BBS9: variants seen among roughly 807,000 people sequenced by gnomAD.
BBS9 encodes the protein Bardet-Biedl syndrome 9, also known as protein PTHB1.
BBS9 carries 89 observed loss-of-function variants against 117.7 expected under a neutral mutation model. The observed-to-expected ratio is 0.76, with a 90% confidence interval of 0.64 to 0.90. The LOEUF is 0.90. Among genes scored for constraint, BBS9 ranks in the 40% least tolerant of loss-of-function variants. The pLI, the probability that BBS9 is intolerant of heterozygous loss-of-function variation, is 0.00. For synonymous variants in BBS9, 379 were observed against 370.9 expected (o/e 1.02, Z -0.25); for missense variants, 982 against 1,042.2 (o/e 0.94, Z 0.80).
At chr7:33,450,768 T>A (rs1837689207) in intron 19 of BBS9, among the ~76,000 whole-genome samples, 1 of 152,242 alleles carries the variant, frequency 6.6e-6, no homozygotes, top group Non-Finnish European at 1.5e-5. Flanking sequence ...ATATTCTGGA[T>A]ATTAATTCTT....
intron 17 of BBS9, among the ~76,000 whole-genome samples, chr7:33,375,595 C>CTT (rs11344728): frequency 4.7e-5 from 6 of 127,476 alleles, no homozygotes; most frequent in South Asian, 5.3e-4. Flanking sequence ...TTCTTTCTTT[C>CTT]TTTTTTTTTT....
At chr7:33,386,530 G>A (rs977224993) in intron 18 of BBS9, among the ~76,000 whole-genome samples, 8 of 150,882 alleles carry the variant, frequency 5.3e-5, no homozygotes, top group Non-Finnish European at 7.4e-5. Flanking sequence ...TCGCTCTGTC[G>A]CCCAGGCTGG....
rs540922135 is a variant in BBS9, at chr7:33,550,311, G to A, written c.2521+16135G>A. 7.9e-5 allele frequency among the ~76,000 whole-genome samples: 12 copies of A among 152,148 alleles called. No individual in the cohort carries two copies. In the East Asian group the frequency reaches 2.3e-3, roughly 29 times the overall value. ...TGTATTTTCCTTTAGATTTTAGGGT[G>A]CCTAGATAAAGTATTTTAATTACTT... On this transcript the variant is annotated intron_variant, in intron 21 of 22. Coordinates refer to ENST00000242067, the MANE Select transcript of BBS9 (RefSeq NM_198428.3).
chr7:33,201,801 A>G (rs1347772038), intron 5 of BBS9, among the ~76,000 whole-genome samples: 1 of 152,104 alleles, frequency 6.6e-6, no homozygotes, highest in Non-Finnish European at 1.5e-5. Context: ...CTTTTGATGT[A>G]ATGTTTCTAG....
intron 5 of BBS9, among the ~76,000 whole-genome samples, chr7:33,247,641 A>G (rs1161806900): frequency 6.6e-6 from 1 of 152,154 alleles, no homozygotes; most frequent in African/African-American, 2.4e-5. Context: ...CTGTTCTTAC[A>G]TTGTTGTACT....
chr7:33,597,250 C>T (rs547394044), intron 21 of BBS9, among the ~76,000 whole-genome samples: 1 of 151,858 alleles, frequency 6.6e-6, no homozygotes, highest in South Asian at 2.1e-4. Context: ...GAAATGAAAT[C>T]TCAAAAAAAC....
At chr7:33,307,267 C>T (rs1402152049) in intron 9 of BBS9, among the ~76,000 whole-genome samples, 2 of 152,096 alleles carry the variant, frequency 1.3e-5, no homozygotes, top group East Asian at 3.8e-4. Flanking sequence ...CCCAAAGGGA[C>T]TTTTCAGCCT....
chr7:33,352,925 T>G (rs759328445), intron 15 of BBS9, 52 bp downstream of exon 15: 27 of 1,550,286 alleles, frequency 1.7e-5, no homozygotes, highest in Non-Finnish European at 2.3e-5. Context: ...TGAAATTTGA[T>G]GAATTGAATT....
chr7:33,164,740 G>GGTCT (rs1000787034), intron 4 of BBS9, among the ~76,000 whole-genome samples: 1 of 151,950 alleles, frequency 6.6e-6, no homozygotes, highest in African/African-American at 2.4e-5. Flanking sequence ...ATGTGAGATG[G>GGTCT]GTCTCCTGAA....
At chr7:33,511,638 G>C (rs1281793933) in intron 20 of BBS9, among the ~76,000 whole-genome samples, 1 of 152,174 alleles carries the variant, frequency 6.6e-6, no homozygotes, top group East Asian at 1.9e-4. Context: ...AGTTAGGATG[G>C]AAATTTACAT....
intron 19 of BBS9, among the ~76,000 whole-genome samples, chr7:33,426,843 G>C (rs557993808): frequency 7.9e-5 from 12 of 152,194 alleles, no homozygotes; most frequent in African/African-American, 2.9e-4. Context: ...TCTTGTGAGC[G>C]GAGGGACTAG....
At chr7:33,611,946 T>TG (rs1864901417) in intron 21 of BBS9, among the ~76,000 whole-genome samples, 2 of 150,862 alleles carry the variant, frequency 1.3e-5, no homozygotes, top group South Asian at 4.1e-4. Flanking sequence ...TCACCTCCTC[T>TG]GATGCCTGGT....
At chr7:33,190,316 G>C (rs1313367173) in intron 5 of BBS9, among the ~76,000 whole-genome samples, 2 of 151,832 alleles carry the variant, frequency 1.3e-5, no homozygotes, top group Non-Finnish European at 2.9e-5. Flanking sequence ...AGGATACATG[G>C]GGATATTTAT....
intron 19 of BBS9, among the ~76,000 whole-genome samples, chr7:33,411,445 T>A (rs1013143144): frequency 6.6e-6 from 1 of 152,190 alleles, no homozygotes; most frequent in Non-Finnish European, 1.5e-5. Context: ...GGAGCTATTT[T>A]AAAAACTTTG....
chr7:33,206,458 G>A lies in BBS9; in HGVS notation c.442+28867G>A, dbSNP rs190872288. Among the ~76,000 whole-genome samples, 7 of 152,120 alleles carry A rather than the reference G, an allele frequency of 4.6e-5. No individual in the cohort carries two copies. The East Asian group carries it at 1.4e-3, about 29-fold the overall frequency. On this transcript the variant is annotated intron_variant, in intron 5 of 22. Coordinates refer to ENST00000242067, the MANE Select transcript of BBS9 (RefSeq NM_198428.3). ...TATATTTCCTTTCTTTTTCTCTGAG[G>A]TTAAAAATAAGACGTAACTTTATCC... is the stretch of plus-strand genomic sequence containing the variant.
chr7:33,198,200 A>G (rs975028725), intron 5 of BBS9, among the ~76,000 whole-genome samples: 1 of 152,058 alleles, frequency 6.6e-6, no homozygotes, highest in Admixed American at 6.6e-5. Flanking sequence ...TTAATATGGA[A>G]ACAATAACTG....
intron 21 of BBS9, among the ~76,000 whole-genome samples, chr7:33,587,976 C>T (rs1817055): frequency 0.41 from 61,565 of 151,898 alleles, 17,279 homozygotes; most frequent in African/African-American, 0.8. Flanking sequence ...ATGGATCCTT[C>T]TTCATTCGTT....
rs1345733020 is a variant in BBS9 at position 33,146,324 on chromosome 7, T to C, written c.72T>C (p.Cys24=). Residue 24 remains cysteine (C), a synonymous_variant, in exon 2 of 23, where the codon TGT becomes TGC. Transcript: ENST00000242067. The part of the protein sequence containing the change: ...LGDKEEFDQG[C]LCLANVDNSG... ...ATAAAGAAGAATTTGATCAAGGCTGTTTGTGTCTGGCTAATGTTGACAATA... is the reference window on the plus strand; with the variant it reads ...ATAAAGAAGAATTTGATCAAGGCTGCTTGTGTCTGGCTAATGTTGACAATA... 3 of 1,614,010 alleles carry C rather than the reference T, an allele frequency of 1.9e-6. No homozygotes were observed. The highest frequency in any genetic ancestry group is 1.3e-5 in the African/African-American group (1 of 74,924).
At chr7:33,595,705 A>C (rs1170599013) in intron 21 of BBS9, among the ~76,000 whole-genome samples, 1 of 152,212 alleles carries the variant, frequency 6.6e-6, no homozygotes, top group East Asian at 1.9e-4. Flanking sequence ...AAAGGAATAT[A>C]AATCATTCCA....
Sources: gnomAD v4.1 joint callset for allele counts (sites outside exome capture counted in the v4.1 genomes callset) on GRCh38, gnomAD v4.1.1 for gene constraint, MANE v1.5 for transcripts, NCBI Gene and HGNC (gene_info 2026-07-23, HGNC 2026-07-21) for gene names.